The following MAML2 variants were observed in gnomAD, a reference collection of about 807,000 sequenced individuals.
MAML2 encodes mastermind like transcriptional coactivator 2.
MAML2 carries 22 observed loss-of-function variants against 96.1 expected under a neutral mutation model. That is an observed-to-expected ratio of 0.23 (90% CI 0.16 to 0.33). The LOEUF is 0.33. MAML2 is among the 10% of genes least tolerant of loss of function. The pLI is 1.00. For synonymous variants in MAML2, 561 were observed against 521.3 expected (o/e 1.08, Z -1.04); for missense variants, 1,367 against 1,392.4 (o/e 0.98, Z 0.29).
chr11:96,273,141 C>A (rs1237453145), intron 1 of MAML2, among the ~76,000 whole-genome samples: 2 of 152,144 alleles, frequency 1.3e-5, no homozygotes, highest in Non-Finnish European at 2.9e-5. Flanking sequence ...AGGACAGTCA[C>A]AATCAGAACT....
chr11:96,326,093 C>T (rs1311958039), intron 1 of MAML2, among the ~76,000 whole-genome samples: 6 of 81,264 alleles, frequency 7.4e-5, no homozygotes, highest in South Asian at 5.4e-4. Flanking sequence ...CTGTCTACCC[C>T]GCCCCCCCCC....
chr11:96,250,414 A>T (rs1244917875), intron 1 of MAML2, among the ~76,000 whole-genome samples: 4 of 152,190 alleles, frequency 2.6e-5, no homozygotes, highest in Non-Finnish European at 4.4e-5. Flanking sequence ...GGGAACATAC[A>T]CTATCCGCCT....
chr11:96,108,246 C>T (rs956428689), intron 1 of MAML2, among the ~76,000 whole-genome samples: 1 of 152,194 alleles, frequency 6.6e-6, no homozygotes, highest in African/African-American at 2.4e-5. Context: ...GGGACCTCTC[C>T]ACTATCACCA....
chr11:96,164,537 T>A (rs981247448), intron 1 of MAML2, among the ~76,000 whole-genome samples: 1 of 152,190 alleles, frequency 6.6e-6, no homozygotes, highest in African/African-American at 2.4e-5. Context: ...CTATAAGAAA[T>A]TCCCAAGAAA....
chr11:96,094,468 CA>C (rs1714334127), intron 1 of MAML2, among the ~76,000 whole-genome samples: 1 of 152,132 alleles, frequency 6.6e-6, no homozygotes, highest in South Asian at 2.1e-4. Context: ...ACTCAATAAA[CA>C]ACAATTTGTA....
At chr11:96,288,067 T>C (rs1158001216) in intron 1 of MAML2, among the ~76,000 whole-genome samples, 1 of 152,142 alleles carries the variant, frequency 6.6e-6, no homozygotes, top group Non-Finnish European at 1.5e-5. Flanking sequence ...TAAATCTGAA[T>C]GACAAATCTT....
chr11:96,041,217 G>A (rs1378713889), intron 2 of MAML2, among the ~76,000 whole-genome samples: 1 of 151,768 alleles, frequency 6.6e-6, no homozygotes, highest in Non-Finnish European at 1.5e-5. Flanking sequence ...AAGGCCAGGT[G>A]TGGTGGCTCA....
At chr11:96,328,496 A>G (rs1456326494) in intron 1 of MAML2, among the ~76,000 whole-genome samples, 2 of 152,038 alleles carry the variant, frequency 1.3e-5, no homozygotes, top group Non-Finnish European at 2.9e-5. Flanking sequence ...GAAAAAAAAA[A>G]TGCTCGGGCT....
At chr11:96,057,689 G>A (rs532818077) in intron 2 of MAML2, among the ~76,000 whole-genome samples, 1 of 152,150 alleles carries the variant, frequency 6.6e-6, no homozygotes, top group South Asian at 2.1e-4. Flanking sequence ...ATTTGGCTTT[G>A]GCAGAGAACG....
At chr11:96,241,511 G>T (rs1862437557) in intron 1 of MAML2, among the ~76,000 whole-genome samples, 2 of 152,202 alleles carry the variant, frequency 1.3e-5, no homozygotes, top group Non-Finnish European at 2.9e-5. Context: ...GTGGGTAGAG[G>T]CCAGAGATGC....
intron 1 of MAML2, among the ~76,000 whole-genome samples, chr11:96,150,789 T>A (rs1265473662): frequency 6.6e-6 from 1 of 152,144 alleles, no homozygotes; most frequent in East Asian, 1.9e-4. Context: ...AGGGCCACCA[T>A]ACTAACCCCT....
chr11:96,065,415 GCACACA>G (rs35035966), intron 2 of MAML2, among the ~76,000 whole-genome samples: 38 of 149,562 alleles, frequency 2.5e-4, no homozygotes, highest in African/African-American at 5.2e-4. Context: ...GTGCGTGCAT[GCACACA>G]CACACACACA....
At chr11:96,182,282 C>G (rs1861498805) in intron 1 of MAML2, among the ~76,000 whole-genome samples, 1 of 152,088 alleles carries the variant, frequency 6.6e-6, no homozygotes, top group Non-Finnish European at 1.5e-5. Flanking sequence ...TAAAAACAAC[C>G]AACTATATGA....
intron 2 of MAML2, among the ~76,000 whole-genome samples, chr11:96,088,167 G>A (rs1388274515): frequency 2.0e-5 from 3 of 152,154 alleles, no homozygotes; most frequent in Admixed American, 6.5e-5. Flanking sequence ...AGTAGGGTGA[G>A]GTTATTAATA....
At chr11:96,272,016 C>G (rs1396288610) in intron 1 of MAML2, among the ~76,000 whole-genome samples, 1 of 152,192 alleles carries the variant, frequency 6.6e-6, no homozygotes, top group Non-Finnish European at 1.5e-5. Context: ...AATGCTCTTT[C>G]CCCTGATGTC....
At chr11:96,145,971 C>T (rs1317312866) in intron 1 of MAML2, among the ~76,000 whole-genome samples, 1 of 151,948 alleles carries the variant, frequency 6.6e-6, no homozygotes, top group Non-Finnish European at 1.5e-5. Context: ...ATCATGCCAC[C>T]TCACTCCAGC....
At chr11:96,013,720 C>T (rs901087134) in intron 2 of MAML2, among the ~76,000 whole-genome samples, 1 of 152,170 alleles carries the variant, frequency 6.6e-6, no homozygotes, top group Non-Finnish European at 1.5e-5. Context: ...ACTGGCGGGA[C>T]GAGGTGGGGC....
intron 1 of MAML2, among the ~76,000 whole-genome samples, chr11:96,222,654 A>G (rs1862157588): frequency 6.6e-6 from 1 of 152,208 alleles, no homozygotes; most frequent in Admixed American, 6.5e-5. Context: ...TCGATGCTCC[A>G]GAAGTACTCA....
At chr11:96,313,442 C>A (rs530634406) in intron 1 of MAML2, among the ~76,000 whole-genome samples, 1 of 152,108 alleles carries the variant, frequency 6.6e-6, no homozygotes. Flanking sequence ...TCCCTTTTTT[C>A]ACACTCCTTT....
Sources: gnomAD v4.1 joint callset for allele counts (sites outside exome capture counted in the v4.1 genomes callset) on GRCh38, gnomAD v4.1.1 for gene constraint, MANE v1.5 for transcripts, NCBI Gene and HGNC (gene_info 2026-07-23, HGNC 2026-07-21) for gene names.